PLEKHA7: variants seen among roughly 807,000 people sequenced by gnomAD.
The protein encoded by PLEKHA7 is pleckstrin homology domain-containing family A member 7.
A neutral mutation model predicts 170.0 loss-of-function variants in PLEKHA7; 104 were observed. That is an observed-to-expected ratio of 0.61 (90% confidence interval 0.52 to 0.72). The LOEUF (loss-of-function observed/expected upper bound fraction) is 0.72, where lower values mean the gene tolerates loss of function less well. Ranked by LOEUF, PLEKHA7 falls within the 30% of genes least tolerant of loss-of-function variation. The probability of loss-of-function intolerance (pLI) is 0.00; values close to 1 mark genes in which losing one functional copy is unlikely to be tolerated. For missense variants in PLEKHA7, 1,615 were observed against 1,671.7 expected, an observed-to-expected ratio of 0.97 and a Z score of 0.59; for synonymous variants, 648 against 660.8, an observed-to-expected ratio of 0.98 and a Z score of 0.30.
At chr11:16,951,485 T>C (rs982551) in intron 3 of PLEKHA7, among the ~76,000 whole-genome samples, 71,652 of 151,962 alleles carry the variant, frequency 0.47, 17,911 homozygotes, top group East Asian at 0.74. Context: ...TCTTATGAGA[T>C]AGATATTTTT....
chr11:16,968,895 G>A (rs888044703), intron 3 of PLEKHA7, among the ~76,000 whole-genome samples: 10 of 152,230 alleles, frequency 6.6e-5, no homozygotes, highest in African/African-American at 1.9e-4. Context: ...TCTCTAATAT[G>A]CCCCCCATAC....
intron 3 of PLEKHA7, among the ~76,000 whole-genome samples, chr11:16,962,585 T>C (rs10741714): frequency 0.41 from 62,551 of 152,012 alleles, 14,103 homozygotes; most frequent in African/African-American, 0.58. Context: ...CTCAGCCTCC[T>C]GAGTGGCTGG....
chr11:16,783,912 C>A, intron 24 of PLEKHA7, 79 bp from the exon 25 acceptor site: 1 of 1,284,210 alleles, frequency 7.8e-7, no homozygotes, highest in Non-Finnish European at 9.9e-7. Flanking sequence ...CCTCTGTCCC[C>A]TCCCACCATG....
At chr11:16,849,200 G>T (rs1014741902) in intron 8 of PLEKHA7, among the ~76,000 whole-genome samples, 1 of 152,188 alleles carries the variant, frequency 6.6e-6, no homozygotes, top group African/African-American at 2.4e-5. Flanking sequence ...CAAGAAAAAT[G>T]TTGAGAAAAG....
At chr11:16,780,402 A>C (rs1348553328) in intron 26 of PLEKHA7, among the ~76,000 whole-genome samples, 3 of 152,206 alleles carry the variant, frequency 2.0e-5, no homozygotes, top group Admixed American at 1.3e-4. Flanking sequence ...TCTCCCTCTT[A>C]AAGTGCCCAG....
At chr11:16,977,909 G>A (rs1863173002) in intron 3 of PLEKHA7, among the ~76,000 whole-genome samples, 3 of 152,124 alleles carry the variant, frequency 2.0e-5, no homozygotes, top group Admixed American at 2.0e-4. Context: ...CTGCTGTGAG[G>A]ATGAAACAAG....
At chr11:16,942,204 C>G (rs1860743878) in intron 3 of PLEKHA7, among the ~76,000 whole-genome samples, 1 of 152,186 alleles carries the variant, frequency 6.6e-6, no homozygotes, top group South Asian at 2.1e-4. Context: ...CTTGGGGGGT[C>G]AGATTTTGTG....
intron 19 of PLEKHA7, among the ~76,000 whole-genome samples, chr11:16,792,356 G>T (rs967741008): frequency 1.3e-5 from 2 of 151,924 alleles, no homozygotes; most frequent in African/African-American, 4.8e-5. Flanking sequence ...TTTTTAAAAA[G>T]ACATTAAACT....
At chr11:16,834,949 G>T (rs1564984222) in intron 9 of PLEKHA7, among the ~76,000 whole-genome samples, 1 of 152,134 alleles carries the variant, frequency 6.6e-6, no homozygotes. Flanking sequence ...GAATTCTGAA[G>T]CCTGTGTAAC....
intron 10 of PLEKHA7, among the ~76,000 whole-genome samples, chr11:16,824,726 A>G (rs936987325): frequency 6.6e-6 from 1 of 152,212 alleles, no homozygotes; most frequent in Non-Finnish European, 1.5e-5. Flanking sequence ...ATCAGATCAT[A>G]TCACTTACCT....
intron 8 of PLEKHA7, among the ~76,000 whole-genome samples, chr11:16,849,025 G>A (rs759555279): frequency 1.1e-4 from 16 of 152,098 alleles, no homozygotes; most frequent in African/African-American, 2.4e-4. Context: ...TCAGACTCAC[G>A]GAACCATTGC....
chr11:16,853,202 A>T (rs995309532), intron 6 of PLEKHA7, among the ~76,000 whole-genome samples: 1 of 152,154 alleles, frequency 6.6e-6, no homozygotes, highest in African/African-American at 2.4e-5. Flanking sequence ...TTTTTTTTTC[A>T]TTTAAAAAAT....
intron 3 of PLEKHA7, among the ~76,000 whole-genome samples, chr11:16,899,054 T>C (rs909017250): frequency 1.3e-5 from 2 of 152,228 alleles, no homozygotes; most frequent in South Asian, 2.1e-4. Flanking sequence ...ATAGGGTTTT[T>C]TGCGAATCTT....
chr11:16,883,359 A>G (rs1855851052), intron 3 of PLEKHA7, among the ~76,000 whole-genome samples: 1 of 152,194 alleles, frequency 6.6e-6, no homozygotes, highest in Non-Finnish European at 1.5e-5. Flanking sequence ...CTATCTTGGG[A>G]GCCAGCAGGG....
chr11:16,843,298 A>G (rs916494236), intron 8 of PLEKHA7, among the ~76,000 whole-genome samples: 13 of 152,258 alleles, frequency 8.5e-5, no homozygotes, highest in Non-Finnish European at 1.8e-4. Flanking sequence ...GACCAGGCAG[A>G]GAAAACAAAA....
intron 3 of PLEKHA7, among the ~76,000 whole-genome samples, chr11:16,991,742 G>C (rs965204788): frequency 1.3e-5 from 2 of 152,164 alleles, no homozygotes; most frequent in African/African-American, 4.8e-5. Context: ...TGTGAGATAG[G>C]AGCCCACAGA....
At chr11:16,999,431 C>T (rs149476951) in intron 3 of PLEKHA7, among the ~76,000 whole-genome samples, 2 of 152,084 alleles carry the variant, frequency 1.3e-5, no homozygotes, top group Admixed American at 6.5e-5. Flanking sequence ...TCAGTGGTCA[C>T]TCACAAGCTC....
intron 3 of PLEKHA7, among the ~76,000 whole-genome samples, chr11:16,922,733 G>A (rs1028692971): frequency 1.3e-5 from 2 of 152,058 alleles, no homozygotes; most frequent in African/African-American, 2.4e-5. Flanking sequence ...CCAGGTAAAG[G>A]CTCCCTGCCA....
intron 3 of PLEKHA7, among the ~76,000 whole-genome samples, chr11:16,918,103 A>T (rs1858824835): frequency 6.6e-6 from 1 of 152,184 alleles, no homozygotes; most frequent in Non-Finnish European, 1.5e-5. Context: ...GTATGGATAG[A>T]TGACTCAATC....
Sources: gnomAD v4.1 joint callset for allele counts (sites outside exome capture counted in the v4.1 genomes callset) on GRCh38, gnomAD v4.1.1 for gene constraint, MANE v1.5 for transcripts, NCBI Gene and HGNC (gene_info 2026-07-23, HGNC 2026-07-21) for gene names.